WDR49: variants seen among roughly 807,000 people sequenced by gnomAD.
WDR49 encodes the protein WD repeat domain 49, also known as cilia- and flagella-associated protein 337.
A neutral mutation model predicts 119.5 loss-of-function variants in WDR49; 107 were observed. That is an observed-to-expected ratio of 0.90 (90% confidence interval 0.77 to 1.05). The LOEUF (loss-of-function observed/expected upper bound fraction) is 1.05, where lower values mean the gene tolerates loss of function less well. Among genes scored for constraint, WDR49 ranks in the 50% least tolerant of loss-of-function variants. WDR49 has a pLI of 0.00. For synonymous variants in WDR49, 425 were observed against 418.8 expected (o/e 1.01, Z -0.18); for missense variants, 1,240 against 1,220.5 (o/e 1.02, Z -0.24).
intron 11 of WDR49, among the ~76,000 whole-genome samples, chr3:167,534,802 G>T (rs1238442651): frequency 6.6e-6 from 1 of 152,122 alleles, no homozygotes; most frequent in Non-Finnish European, 1.5e-5. Context: ...GCATGCCTAT[G>T]AATCATTTTA....
intron 18 of WDR49, among the ~76,000 whole-genome samples, chr3:167,487,280 A>C (rs1750962374): frequency 6.6e-6 from 1 of 152,160 alleles, no homozygotes; most frequent in African/African-American, 2.4e-5. Context: ...CAATGGAAAA[A>C]GGACTCTGTG....
chr3:167,608,639 C>G (rs1375842315), intron 5 of WDR49, among the ~76,000 whole-genome samples: 1 of 152,050 alleles, frequency 6.6e-6, no homozygotes. Flanking sequence ...TCCTTAAAAT[C>G]AAATTATCTG....
intron 18 of WDR49, among the ~76,000 whole-genome samples, chr3:167,481,605 G>A (rs1179889960): frequency 2.0e-5 from 3 of 152,176 alleles, no homozygotes; most frequent in African/African-American, 7.2e-5. Context: ...TCACACTGCT[G>A]ATAAAGACAC....
chr3:167,481,026 A>G (rs1750699618), intron 18 of WDR49, among the ~76,000 whole-genome samples: 1 of 150,998 alleles, frequency 6.6e-6, no homozygotes, highest in Non-Finnish European at 1.5e-5. Context: ...CTGATCTCAC[A>G]TCCCAGCCTC....
At chr3:167,522,049 A>C (rs1252708206) in intron 16 of WDR49, among the ~76,000 whole-genome samples, 1 of 152,114 alleles carries the variant, frequency 6.6e-6, no homozygotes, top group East Asian at 1.9e-4. Context: ...AAATTTTCAC[A>C]ATTAGATTGA....
intron 5 of WDR49, among the ~76,000 whole-genome samples, chr3:167,611,029 A>G (rs905390457): frequency 2.6e-5 from 4 of 152,246 alleles, no homozygotes; most frequent in Non-Finnish European, 4.4e-5. Context: ...TGATAAGTGC[A>G]CAGAAAACCA....
chr3:167,576,283 A>G lies in WDR49; in HGVS notation c.1276-132T>C, dbSNP rs1342022047. The G allele has an allele frequency of 5.8e-6, 4 of 684,352 alleles. No homozygotes were observed. The East Asian group carries it at 8.1e-5, about 14-fold the overall frequency. 42.4% of individuals were successfully genotyped at this position (684,352 alleles called of 1,614,324 possible). The stretch of plus-strand genomic sequence containing the variant: ...TCCACAGTGCTATAATTGGTTCTCA[A>G]TTCTGCCATAGCACCTATTATTTTG... On this transcript the variant is annotated intron_variant, in intron 7 of 18. Transcript: ENST00000682715.
intron 18 of WDR49, among the ~76,000 whole-genome samples, chr3:167,497,362 A>C (rs1237530570): frequency 2.0e-5 from 3 of 152,208 alleles, no homozygotes; most frequent in African/African-American, 7.2e-5. Flanking sequence ...GAAAATAAAA[A>C]ACCAAAAGAA....
At chr3:167,591,215 T>C (rs1008386586) in intron 7 of WDR49, among the ~76,000 whole-genome samples, 40 of 152,240 alleles carry the variant, frequency 2.6e-4, no homozygotes, top group African/African-American at 8.2e-4. Context: ...TGTACAATTT[T>C]CAAAATTACT....
At chr3:167,583,330 G>A (rs998153940) in intron 7 of WDR49, among the ~76,000 whole-genome samples, 5 of 151,884 alleles carry the variant, frequency 3.3e-5, no homozygotes, top group Admixed American at 6.6e-5. Context: ...TGAGAATTCC[G>A]ATTAAATTAT....
At chr3:167,647,989 C>A (rs1260178097) in intron 2 of WDR49, among the ~76,000 whole-genome samples, 1 of 152,122 alleles carries the variant, frequency 6.6e-6, no homozygotes, top group Non-Finnish European at 1.5e-5. Context: ...TTTAGGAAAT[C>A]TTTATCCTGT....
At chr3:167,522,539 A>G in intron 15 of WDR49, 55 bp from the exon 16 acceptor site, 2 of 1,539,420 alleles carry the variant, frequency 1.3e-6, no homozygotes, top group South Asian at 1.2e-5. Flanking sequence ...TTCTTCAAAC[A>G]TTTACGTGTG....
chr3:167,616,773 AC>A (rs961291637), intron 5 of WDR49, among the ~76,000 whole-genome samples: 3 of 152,144 alleles, frequency 2.0e-5, no homozygotes, highest in Non-Finnish European at 1.5e-5. Context: ...ATATACACAC[AC>A]CCCAAGAAAA....
chr3:167,494,533 C>G (rs1210963025), intron 18 of WDR49, among the ~76,000 whole-genome samples: 3 of 151,956 alleles, frequency 2.0e-5, no homozygotes, highest in African/African-American at 7.3e-5. Flanking sequence ...GCCGTGGAAG[C>G]AGTGATGACC....
intron 16 of WDR49, among the ~76,000 whole-genome samples, chr3:167,515,523 C>T (rs371724025): frequency 2.6e-5 from 4 of 152,204 alleles, no homozygotes; most frequent in East Asian, 3.9e-4. Context: ...AAACTCATAG[C>T]CAATATCATA....
intron 9 of WDR49, among the ~76,000 whole-genome samples, chr3:167,555,858 A>C (rs878876433): frequency 1.3e-5 from 2 of 152,216 alleles, no homozygotes. Flanking sequence ...TGCCACTATC[A>C]TACAGTGTAC....
intron 10 of WDR49, among the ~76,000 whole-genome samples, chr3:167,543,109 T>C (rs1057290524): frequency 1.3e-5 from 2 of 151,806 alleles, no homozygotes; most frequent in African/African-American, 4.8e-5. Context: ...ATAGAAACTC[T>C]GAACAGACCA....
intron 9 of WDR49, among the ~76,000 whole-genome samples, chr3:167,559,488 G>T (rs1264416017): frequency 6.6e-6 from 1 of 152,014 alleles, no homozygotes; most frequent in Non-Finnish European, 1.5e-5. Context: ...CCTCCCAGAA[G>T]AAATATATGA....
intron 2 of WDR49, among the ~76,000 whole-genome samples, chr3:167,648,987 C>T (rs947436583): frequency 1.3e-5 from 2 of 152,004 alleles, no homozygotes; most frequent in Admixed American, 6.6e-5. Context: ...AACTTTATAC[C>T]TTAACAGTTT....
Sources: allele counts gnomAD v4.1 joint callset (sites outside exome capture counted in the v4.1 genomes callset), GRCh38; gene constraint gnomAD v4.1.1; transcripts MANE v1.5; gene names NCBI Gene and HGNC (gene_info 2026-07-23, HGNC 2026-07-21).